Variants in PBX3 observed in about 807,000 individuals in gnomAD.
PBX3 encodes the protein PBX homeobox 3, also known as pre-B-cell leukemia transcription factor 3.
PBX3 carries 14 observed loss-of-function variants against 48.5 expected under a neutral mutation model. That is an observed-to-expected ratio of 0.29 (90% CI 0.19 to 0.45). The LOEUF (loss-of-function observed/expected upper bound fraction) is 0.45. Among genes scored for constraint, PBX3 ranks in the 20% least tolerant of loss-of-function variants. The probability of loss-of-function intolerance (pLI) is 1.00; values close to 1 mark genes in which losing one functional copy is unlikely to be tolerated. For missense variants in PBX3, 386 were observed against 546.7 expected (o/e 0.71, Z 2.93); for synonymous variants, 210 against 200.3 (o/e 1.05, Z -0.41).
intron 2 of PBX3, among the ~76,000 whole-genome samples, chr9:125,832,387 G>T (rs1316119123): frequency 6.6e-6 from 1 of 152,142 alleles, no homozygotes; most frequent in East Asian, 1.9e-4. Flanking sequence ...AGTAGAGATG[G>T]GGTTTCACCA....
chr9:125,914,208 A>G (rs1841271805), intron 2 of PBX3, among the ~76,000 whole-genome samples: 1 of 152,184 alleles, frequency 6.6e-6, no homozygotes, highest in African/African-American at 2.4e-5. Flanking sequence ...GCTCTCCTAA[A>G]TGAATATATT....
chr9:125,924,101 C>G (rs999907364), intron 3 of PBX3, among the ~76,000 whole-genome samples: 23 of 152,118 alleles, frequency 1.5e-4, no homozygotes, highest in African/African-American at 5.6e-4. Flanking sequence ...AACTCCTGGG[C>G]TCAAGCAGTA....
intron 5 of PBX3, among the ~76,000 whole-genome samples, chr9:125,948,827 A>C (rs572441604): frequency 4.2e-4 from 64 of 152,166 alleles, no homozygotes; most frequent in African/African-American, 1.5e-3. Flanking sequence ...ATAATAGCAA[A>C]AGACTGAAAA....
At chr9:125,928,391 AATGTGTGTGT>A (rs1564177303) in intron 3 of PBX3, among the ~76,000 whole-genome samples, 3 of 118,722 alleles carry the variant, frequency 2.5e-5, no homozygotes, top group African/African-American at 1.2e-4. Flanking sequence ...AGGGGAAACA[AATGTGTGTGT>A]GTGTGTGTGT....
intron 2 of PBX3, among the ~76,000 whole-genome samples, chr9:125,757,602 T>C (rs763658416): frequency 6.6e-6 from 1 of 152,202 alleles, no homozygotes; most frequent in Non-Finnish European, 1.5e-5. Flanking sequence ...GGGTCTAGGA[T>C]TAACTGTCAG....
intron 2 of PBX3, among the ~76,000 whole-genome samples, chr9:125,856,768 C>CT (rs1180692258): frequency 6.6e-6 from 1 of 152,164 alleles, no homozygotes; most frequent in African/African-American, 2.4e-5. Flanking sequence ...TTTCATATGA[C>CT]TGTCATGTAC....
intron 2 of PBX3, among the ~76,000 whole-genome samples, chr9:125,806,060 A>G (rs1044602874): frequency 2.0e-5 from 3 of 152,194 alleles, no homozygotes; most frequent in African/African-American, 7.2e-5. Context: ...AAAACAAGGA[A>G]GTGTCAGAGA....
intron 2 of PBX3, among the ~76,000 whole-genome samples, chr9:125,838,648 T>C (rs961849425): frequency 1.3e-5 from 2 of 152,256 alleles, no homozygotes; most frequent in African/African-American, 4.8e-5. Flanking sequence ...TTGCTAGTTG[T>C]GCAACTTACT....
rs913811394 is a variant in PBX3, at chr9:125,768,970, A to AT, written c.274+20356dup. Among the ~76,000 whole-genome samples, 631 of 151,896 alleles carry AT rather than the reference A, an allele frequency of 4.2e-3. 6 individuals carry two copies. The highest frequency in any genetic ancestry group is 0.014 in the African/African-American group (589 of 41,426). On this transcript the variant is annotated intron_variant, in intron 2 of 8. Transcript: ENST00000373489. ...AAGCTGAAATAACCATAATTTGTTAATTTTTTTTTAAGCAGCTAGTTCAGC... is the reference window on the plus strand; with the variant it reads ...AAGCTGAAATAACCATAATTTGTTAATTTTTTTTTTAAGCAGCTAGTTCAGC...
At chr9:125,935,333 A>G (rs1267155227) in intron 4 of PBX3, 139 bp from the exon 5 acceptor site, 2 of 699,054 alleles carry the variant, frequency 2.9e-6, no homozygotes. Flanking sequence ...AACATAACGT[A>G]TAATATCACA....
chr9:125,755,050 A>G lies in PBX3; in HGVS notation c.274+6427A>G, dbSNP rs141600825. On this transcript the variant is annotated intron_variant, in intron 2 of 8. Transcript: ENST00000373489. ...GATGAGTCCTCACAATGTTTAAACC[A>G]TTATTTGTGAGACTCAACATGTTAT... Among the ~76,000 whole-genome samples the G allele has an allele frequency of 9.1e-3, 1,388 of 152,194 alleles. 29 individuals carry two copies. The highest frequency in any genetic ancestry group is 0.031 in the African/African-American group (1,302 of 41,546).
At chr9:125,807,760 A>G (rs779885784) in intron 2 of PBX3, among the ~76,000 whole-genome samples, 3 of 152,162 alleles carry the variant, frequency 2.0e-5, no homozygotes, top group Non-Finnish European at 4.4e-5. Flanking sequence ...ATCCTTCAAG[A>G]CCAGTGCTGT....
At chr9:125,804,331 G>A (rs1588163293) in intron 2 of PBX3, among the ~76,000 whole-genome samples, 1 of 152,154 alleles carries the variant, frequency 6.6e-6, no homozygotes, top group Non-Finnish European at 1.5e-5. Flanking sequence ...GCTTTTCAAG[G>A]TATATGAGCT....
chr9:125,865,899 T>TACAAACTAA (rs1839967839), intron 2 of PBX3, among the ~76,000 whole-genome samples: 1 of 152,134 alleles, frequency 6.6e-6, no homozygotes, highest in Middle Eastern at 3.2e-3. Flanking sequence ...CTGGGTAATG[T>TACAAACTAA]GTCAGGACAA....
intron 3 of PBX3, among the ~76,000 whole-genome samples, chr9:125,919,795 A>T (rs1221336229): frequency 6.6e-6 from 1 of 152,226 alleles, no homozygotes; most frequent in African/African-American, 2.4e-5. Context: ...CAGTAAATTA[A>T]AGTACCTTAT....
intron 2 of PBX3, among the ~76,000 whole-genome samples, chr9:125,778,586 T>A (rs903194069): frequency 4.1e-5 from 6 of 147,720 alleles, no homozygotes; most frequent in African/African-American, 1.5e-4. Flanking sequence ...CTAAAGTTTA[T>A]CAATTTTGTT....
chr9:125,935,789 G>A (rs931198749), intron 5 of PBX3, among the ~76,000 whole-genome samples, 182 bp downstream of exon 5: 6 of 152,194 alleles, frequency 3.9e-5, no homozygotes, highest in African/African-American at 1.4e-4. Context: ...TTGAAAAACT[G>A]TAAGTGGCGA....
At chr9:125,824,695 G>A (rs1308944141) in intron 2 of PBX3, among the ~76,000 whole-genome samples, 1 of 150,106 alleles carries the variant, frequency 6.7e-6, no homozygotes, top group Non-Finnish European at 1.5e-5. Flanking sequence ...AATTACATTT[G>A]ATGAATCAGT....
intron 2 of PBX3, among the ~76,000 whole-genome samples, chr9:125,851,905 C>T (rs1004637227): frequency 1.4e-5 from 2 of 147,280 alleles, no homozygotes; most frequent in African/African-American, 5.1e-5. Context: ...GAGGCAGCTC[C>T]ATTTTATTTT....
Sources: gnomAD v4.1 joint callset for allele counts (sites outside exome capture counted in the v4.1 genomes callset) on GRCh38, gnomAD v4.1.1 for gene constraint, MANE v1.5 for transcripts, NCBI Gene and HGNC (gene_info 2026-07-23, HGNC 2026-07-21) for gene names.